CNTN5: variants seen among roughly 807,000 people sequenced by gnomAD.
The protein encoded by CNTN5 is contactin-5.
CNTN5 carries 77 observed loss-of-function variants against 129.1 expected under a neutral mutation model. The observed-to-expected ratio is 0.60, with a 90% CI of 0.50 to 0.72. CNTN5 has a LOEUF of 0.72. Ranked by LOEUF, CNTN5 falls within the 30% of genes least tolerant of loss-of-function variation. The probability of loss-of-function intolerance (pLI) is 0.00; values close to 1 mark genes in which losing one functional copy is unlikely to be tolerated. For synonymous variants in CNTN5, 509 were observed against 465.6 expected (o/e 1.09, Z -1.20); for missense variants, 1,478 against 1,328.8 (o/e 1.11, Z -1.75).
At chr11:100,174,784 G>A (rs1429715491) in intron 13 of CNTN5, among the ~76,000 whole-genome samples, 1 of 152,086 alleles carries the variant, frequency 6.6e-6, no homozygotes, top group Non-Finnish European at 1.5e-5. Context: ...ACAAGTCTCT[G>A]CAGTTTCTTC....
chr11:99,471,883 T>C (rs1945190455), intron 2 of CNTN5, among the ~76,000 whole-genome samples: 1 of 152,134 alleles, frequency 6.6e-6, no homozygotes, highest in Non-Finnish European at 1.5e-5. Context: ...TCACAGTACC[T>C]CAATACCTAT....
chr11:99,524,049 G>GA, intron 2 of CNTN5, among the ~76,000 whole-genome samples: 1 of 151,794 alleles, frequency 6.6e-6, no homozygotes, highest in East Asian at 1.9e-4. Flanking sequence ...CAAGAAATTT[G>GA]AAAAATAGAA....
intron 9 of CNTN5, among the ~76,000 whole-genome samples, chr11:100,028,962 A>T (rs1012732706): frequency 5.3e-5 from 8 of 152,172 alleles, no homozygotes; most frequent in African/African-American, 1.9e-4. Flanking sequence ...AATATTTTGT[A>T]CTATTTCTTT....
chr11:99,044,635 G>T (rs912232685), intron 1 of CNTN5, among the ~76,000 whole-genome samples: 1 of 152,144 alleles, frequency 6.6e-6, no homozygotes, highest in Non-Finnish European at 1.5e-5. Flanking sequence ...TGAGATCCAA[G>T]TGTTCTACAT....
rs548416923 is a variant in CNTN5, at chr11:99,901,071, G to C, written c.578-14983G>C. 1.6e-3 allele frequency among the ~76,000 whole-genome samples: 248 copies of C among 152,190 alleles called. 1 individual carries two copies. The highest frequency in any genetic ancestry group is 5.8e-3 in the African/African-American group (240 of 41,532). ...CTCTGAGCTTCAGTTTCTCACAAAAGTGTCTAACTAAAAGGATATTTTAAT... is the reference window on the plus strand; with the variant it reads ...CTCTGAGCTTCAGTTTCTCACAAAACTGTCTAACTAAAAGGATATTTTAAT... On this transcript the variant is annotated intron_variant, in intron 6 of 24. Coordinates refer to ENST00000524871, the MANE Select transcript of CNTN5 (RefSeq NM_014361.4).
At chr11:99,409,290 G>C (rs960407137) in intron 2 of CNTN5, among the ~76,000 whole-genome samples, 3 of 151,936 alleles carry the variant, frequency 2.0e-5, no homozygotes, top group Non-Finnish European at 4.4e-5. Flanking sequence ...CGGTGAAACC[G>C]CATCTCTACT....
intron 9 of CNTN5, among the ~76,000 whole-genome samples, chr11:100,036,233 C>T (rs1198629506): frequency 1.3e-5 from 2 of 152,038 alleles, no homozygotes; most frequent in East Asian, 3.9e-4. Context: ...GAATCCTTTC[C>T]CCATTGCTTG....
rs1187404205 is a variant in CNTN5 at position 99,573,779 on chromosome 11, G to A, written c.55+17510G>A. 7.9e-5 allele frequency among the ~76,000 whole-genome samples: 12 copies of A among 151,660 alleles called. 1 individual carries two copies. The highest frequency in any genetic ancestry group is 2.7e-4 in the African/African-American group (11 of 41,406). On this transcript the variant is annotated intron_variant, in intron 3 of 24. Coordinates refer to ENST00000524871, the MANE Select transcript of CNTN5 (RefSeq NM_014361.4). ...TTCCTTTTTTGTCTTCTTTTCATTG[G>A]CCATGCATGCATTTTGGAGAAACCT...
At chr11:99,845,573 C>G (rs558899300) in intron 6 of CNTN5, among the ~76,000 whole-genome samples, 1 of 151,718 alleles carries the variant, frequency 6.6e-6, no homozygotes, top group Non-Finnish European at 1.5e-5. Context: ...GGGGTTTCAC[C>G]GTTTCAGCCG....
intron 3 of CNTN5, among the ~76,000 whole-genome samples, chr11:99,631,601 C>T (rs868579491): frequency 6.6e-6 from 1 of 151,780 alleles, no homozygotes; most frequent in Non-Finnish European, 1.5e-5. Flanking sequence ...CATTGCTAAG[C>T]AGTAGTAAGT....
At chr11:99,257,732 T>C (rs1862442445) in intron 1 of CNTN5, among the ~76,000 whole-genome samples, 1 of 152,056 alleles carries the variant, frequency 6.6e-6, no homozygotes, top group East Asian at 1.9e-4. Flanking sequence ...TATTATAGTA[T>C]ACATACACAA....
intron 1 of CNTN5, among the ~76,000 whole-genome samples, chr11:99,279,703 G>T (rs987876275): frequency 6.6e-6 from 1 of 151,504 alleles, no homozygotes; most frequent in Admixed American, 6.6e-5. Context: ...GTGTTATCTA[G>T]TATTTTTTAC....
chr11:100,275,691 T>C (rs1950495539), intron 18 of CNTN5, among the ~76,000 whole-genome samples: 1 of 152,240 alleles, frequency 6.6e-6, no homozygotes. Flanking sequence ...GTCTCTATTT[T>C]ATCATGAGTT....
chr11:99,549,693 A>G (rs991536050), intron 2 of CNTN5, among the ~76,000 whole-genome samples: 1 of 152,140 alleles, frequency 6.6e-6, no homozygotes, highest in Non-Finnish European at 1.5e-5. Flanking sequence ...CCACTCAGCC[A>G]TGAAATGGTA....
At chr11:99,105,500 C>T (rs1437730811) in intron 1 of CNTN5, among the ~76,000 whole-genome samples, 20 of 152,100 alleles carry the variant, frequency 1.3e-4, no homozygotes. Flanking sequence ...AGTCCTACAG[C>T]ATCATATTCC....
chr11:99,898,109 T>C (rs1565652934), intron 6 of CNTN5, among the ~76,000 whole-genome samples: 1 of 151,200 alleles, frequency 6.6e-6, no homozygotes, highest in Admixed American at 6.6e-5. Context: ...ATTAAATGCC[T>C]ACATAAAAAA....
intron 15 of CNTN5, among the ~76,000 whole-genome samples, chr11:100,209,049 G>T (rs1591394478): frequency 6.6e-6 from 1 of 152,174 alleles, no homozygotes; most frequent in African/African-American, 2.4e-5. Context: ...CAATGCAATT[G>T]TCTGTTTGCT....
intron 7 of CNTN5, among the ~76,000 whole-genome samples, chr11:99,946,368 A>C: frequency 6.6e-6 from 1 of 152,130 alleles, no homozygotes; most frequent in East Asian, 1.9e-4. Context: ...ACAGAGGCTT[A>C]GTGGGAAAAA....
intron 2 of CNTN5, among the ~76,000 whole-genome samples, chr11:99,404,044 G>C (rs116366164): frequency 0.17 from 25,497 of 151,926 alleles, 2,520 homozygotes; most frequent in African/African-American, 0.27. Context: ...TCTAGTATCG[G>C]GTGCATATAT....
Sources: allele counts gnomAD v4.1 joint callset (sites outside exome capture counted in the v4.1 genomes callset), GRCh38; gene constraint gnomAD v4.1.1; transcripts MANE v1.5; gene names NCBI Gene and HGNC (gene_info 2026-07-23, HGNC 2026-07-21).